The following ARHGEF10 variants were observed in gnomAD, a reference collection of about 807,000 sequenced individuals.
ARHGEF10 encodes the protein Rho guanine nucleotide exchange factor (GEF) 10.
In ARHGEF10, 140 loss-of-function variants were observed where a neutral mutation model predicts 147.4. That is an observed-to-expected ratio of 0.95 (90% CI 0.83 to 1.09). The LOEUF (loss-of-function observed/expected upper bound fraction) is 1.09, where lower values mean the gene tolerates loss of function less well. Ranked by LOEUF, ARHGEF10 falls within the 50% of genes least tolerant of loss-of-function variation. ARHGEF10 has a pLI of 0.00. For synonymous variants in ARHGEF10, 902 were observed against 695.8 expected, an observed-to-expected ratio of 1.30 and a Z score of -4.67; for missense variants, 2,222 against 1,752.7, an observed-to-expected ratio of 1.27 and a Z score of -4.78.
intron 4 of ARHGEF10, among the ~76,000 whole-genome samples, chr8:1,864,078 G>A (rs1806376125): frequency 6.6e-6 from 1 of 152,052 alleles, no homozygotes; most frequent in South Asian, 2.1e-4. Flanking sequence ...ATGCACATGT[G>A]GAGTGGGAGA....
chr8:1,901,285 G>C (rs1348368543), intron 15 of ARHGEF10, among the ~76,000 whole-genome samples: 3 of 152,002 alleles, frequency 2.0e-5, no homozygotes, highest in Admixed American at 6.6e-5. Context: ...GAGAGGCCTG[G>C]ACACCCTCTG....
Position 1,876,669 on chromosome 8 carries a change from C to G in ARHGEF10, c.778C>G (p.Gln260Glu). 1 of 1,614,202 alleles carries G rather than the reference C, an allele frequency of 6.2e-7. No homozygotes were observed. Among genetic ancestry groups the G allele is most frequent in the Non-Finnish European group, 8.5e-7 (1 of 1,180,042 alleles). Residue 260 changes from glutamine (Q) to glutamate (E), a missense_variant, in exon 8 of 29, where the codon CAG (glutamine) becomes GAG (glutamate). Transcript: ENST00000349830. ...GAGTGAATTTGAAAGTTACGAAGAGCAGAGTGACTCGGAGTGCAAGAATGG... is the reference window on the plus strand; with the variant it reads ...GAGTGAATTTGAAAGTTACGAAGAGGAGAGTGACTCGGAGTGCAAGAATGG... ...SSSEFESYEE[Q>E]SDSECKNGIP...
At chr8:1,909,200 G>T in intron 17 of ARHGEF10, 95 bp from the exon 18 acceptor site, 1 of 1,520,572 alleles carries the variant, frequency 6.6e-7, no homozygotes, top group Non-Finnish European at 9.1e-7. Context: ...CAATTCAGCA[G>T]TGGGAAGTTT....
chr8:1,830,656 C>T (rs1426961793), intron 1 of ARHGEF10, among the ~76,000 whole-genome samples: 2 of 152,230 alleles, frequency 1.3e-5, no homozygotes, highest in Non-Finnish European at 2.9e-5. Flanking sequence ...ACCGCAGAGA[C>T]CATGTGCTTG....
At chr8:1,905,505 C>A in intron 16 of ARHGEF10, 66 bp from the exon 17 acceptor site, 1 of 1,598,964 alleles carries the variant, frequency 6.3e-7, no homozygotes, top group South Asian at 1.1e-5. Flanking sequence ...TACCAGACTT[C>A]TCCTCATCTT....
chr8:1,905,805 A>G, intron 17 of ARHGEF10, 89 bp downstream of exon 17: 1 of 1,537,210 alleles, frequency 6.5e-7, no homozygotes, highest in Non-Finnish European at 8.9e-7. Flanking sequence ...TAATTCTGTC[A>G]CTCAGACTGA....
intron 4 of ARHGEF10, among the ~76,000 whole-genome samples, chr8:1,861,265 A>G (rs1487225299): frequency 6.6e-6 from 1 of 152,170 alleles, no homozygotes; most frequent in Non-Finnish European, 1.5e-5. Context: ...GTCACGCACC[A>G]GCTGTGTCTG....
intron 21 of ARHGEF10, among the ~76,000 whole-genome samples, chr8:1,924,373 C>T (rs1812528123): frequency 6.6e-6 from 1 of 152,162 alleles, no homozygotes; most frequent in Non-Finnish European, 1.5e-5. Context: ...TTCCTTGTTC[C>T]TATGTCTCTT....
At chr8:1,913,862 AGGTAGCT>A (rs1443645538) in intron 18 of ARHGEF10, among the ~76,000 whole-genome samples, 2 of 152,198 alleles carry the variant, frequency 1.3e-5, no homozygotes, top group Admixed American at 1.3e-4. Flanking sequence ...CATTATGAAC[AGGTAGCT>A]GGAGGAGCTG....
chr8:1,913,896 G>A (rs1272112464), intron 18 of ARHGEF10, among the ~76,000 whole-genome samples: 5 of 152,302 alleles, frequency 3.3e-5, no homozygotes, highest in African/African-American at 7.2e-5. Context: ...AGCTTGTACC[G>A]TGAGGAGGGT....
At chr8:1,911,990 A>G (rs901554374) in intron 18 of ARHGEF10, among the ~76,000 whole-genome samples, 2 of 152,168 alleles carry the variant, frequency 1.3e-5, no homozygotes, top group Non-Finnish European at 2.9e-5. Context: ...TAGTCATAGG[A>G]CTTCTGCTGC....
chr8:1,899,165 A>G (rs576439006), intron 15 of ARHGEF10, among the ~76,000 whole-genome samples: 21 of 152,302 alleles, frequency 1.4e-4, no homozygotes, highest in African/African-American at 4.8e-4. Flanking sequence ...GACGGCCTCT[A>G]GGTCACGTCT....
intron 15 of ARHGEF10, among the ~76,000 whole-genome samples, chr8:1,902,742 G>C (rs977932043): frequency 2.6e-5 from 4 of 152,178 alleles, no homozygotes; most frequent in African/African-American, 9.7e-5. Flanking sequence ...TGAACGTTTA[G>C]TGACATGGAC....
At chr8:1,839,833 A>G (rs1329028120) in intron 1 of ARHGEF10, among the ~76,000 whole-genome samples, 4 of 102,884 alleles carry the variant, frequency 3.9e-5, no homozygotes, top group Non-Finnish European at 5.6e-5. Context: ...TGGTGTGGGG[A>G]CTGTCTGGTG....
intron 2 of ARHGEF10, among the ~76,000 whole-genome samples, chr8:1,855,817 T>TC (rs1805509223): frequency 6.6e-6 from 1 of 152,180 alleles, no homozygotes; most frequent in East Asian, 1.9e-4. Context: ...ACAGTTGCAT[T>TC]TGGAAAATAT....
intron 4 of ARHGEF10, among the ~76,000 whole-genome samples, chr8:1,863,221 C>T (rs1180239647): frequency 6.6e-6 from 1 of 152,152 alleles, no homozygotes; most frequent in Non-Finnish European, 1.5e-5. Context: ...AACACTGAAC[C>T]AGCAGATGCA....
At chr8:1,856,035 C>G (rs772182610) in intron 2 of ARHGEF10, among the ~76,000 whole-genome samples, 2 of 152,086 alleles carry the variant, frequency 1.3e-5, no homozygotes, top group Non-Finnish European at 2.9e-5. Context: ...GCGGTTCTGT[C>G]CATTCCAGCT....
At position 1,859,991 on chromosome 8, in the gene ARHGEF10, C is replaced by T. The variant is rs774752605; in HGVS notation, c.288C>T (p.Asp96=). 8.1e-6 allele frequency: 13 copies of T among 1,614,092 alleles called. No homozygotes were observed. The African/African-American group carries it at 1.6e-4, about 20-fold the overall frequency. The change falls in exon 4 of 29, where the codon GAC becomes GAT. Residue 96 remains aspartate (D), a synonymous_variant. Coordinates refer to ENST00000349830, the MANE Select transcript of ARHGEF10 (RefSeq NM_014629.4). ...AAGTCAACCCATATTCTGTCATCGA[C>T]ATCACGCCATTCCAGGAGGACCAGC... ...PMKVNPYSVI[D]ITPFQEDQPP...
At position 1,876,872 on chromosome 8, in the gene ARHGEF10, A is replaced by G. The variant is rs1427684901; in HGVS notation, c.843+138A>G. 1.5e-5 allele frequency: 14 copies of G among 959,130 alleles called. No individual in the cohort carries two copies. The East Asian group carries it at 2.8e-4, about 19-fold the overall frequency. 59.4% of individuals were successfully genotyped at this position (959,130 alleles called of 1,614,324 possible). On this transcript the variant is annotated intron_variant, in intron 8 of 28. Transcript: ENST00000349830. ...ATAAGTAGTTTGGGGAAAGCATAAG[A>G]TATTGGCAAAGGAGAAGACGTGTCT... is the stretch of plus-strand genomic sequence containing the variant.
Sources: allele counts gnomAD v4.1 joint callset (sites outside exome capture counted in the v4.1 genomes callset), GRCh38; gene constraint gnomAD v4.1.1; transcripts MANE v1.5; gene names NCBI Gene and HGNC (gene_info 2026-07-23, HGNC 2026-07-21).